The following ADGRL3 variants were observed in gnomAD, a reference collection of about 807,000 sequenced individuals.
ADGRL3 encodes calcium-independent alpha-latrotoxin receptor 3.
ADGRL3 carries 62 observed loss-of-function variants against 153.5 expected under a neutral mutation model. The observed-to-expected ratio is 0.40, with a 90% CI of 0.33 to 0.50. The LOEUF (loss-of-function observed/expected upper bound fraction) is 0.50, where lower values mean the gene tolerates loss of function less well. Ranked by LOEUF, ADGRL3 falls within the 20% of genes least tolerant of loss-of-function variation. The pLI, the probability that ADGRL3 is intolerant of heterozygous loss-of-function variation, is 0.47. For synonymous variants in ADGRL3, 710 were observed against 672.5 expected, an observed-to-expected ratio of 1.06 and a Z score of -0.86; for missense variants, 1,641 against 1,859.4, an observed-to-expected ratio of 0.88 and a Z score of 2.16.
At chr4:61,418,542 C>T (rs1011367165) in intron 2 of ADGRL3, among the ~76,000 whole-genome samples, 2 of 150,542 alleles carry the variant, frequency 1.3e-5, no homozygotes, top group South Asian at 4.2e-4. Context: ...GTTTTTCTTC[C>T]TATTGATACT....
intron 1 of ADGRL3, among the ~76,000 whole-genome samples, chr4:61,241,186 G>A (rs1486305131): frequency 1.3e-5 from 2 of 151,878 alleles, no homozygotes; most frequent in Non-Finnish European, 2.9e-5. Flanking sequence ...GCTGAATAAA[G>A]CAGATATAGC....
At chr4:61,657,562 T>C (rs201656467) in intron 5 of ADGRL3, among the ~76,000 whole-genome samples, 4 of 152,110 alleles carry the variant, frequency 2.6e-5, no homozygotes, top group East Asian at 3.9e-4. Context: ...AAAATTCTCA[T>C]TTAACACCAA....
intron 21 of ADGRL3, among the ~76,000 whole-genome samples, chr4:62,021,456 TAATCA>T (rs2099237891): frequency 6.6e-6 from 1 of 152,150 alleles, no homozygotes; most frequent in Non-Finnish European, 1.5e-5. Context: ...TATTAATAAA[TAATCA>T]TGGAATGATA....
chr4:61,380,720 A>G (rs1297788720), intron 1 of ADGRL3, among the ~76,000 whole-genome samples: 1 of 151,938 alleles, frequency 6.6e-6, no homozygotes, highest in Non-Finnish European at 1.5e-5. Context: ...CTATGAACAT[A>G]TATTTGCCGG....
intron 21 of ADGRL3, among the ~76,000 whole-genome samples, chr4:62,002,440 TA>T (rs993465110): frequency 7.3e-5 from 11 of 151,554 alleles, no homozygotes; most frequent in Admixed American, 2.0e-4. Context: ...TTTATTATCT[TA>T]AAAATTAACT....
intron 19 of ADGRL3, among the ~76,000 whole-genome samples, chr4:61,991,784 G>A (rs2099104676): frequency 6.6e-6 from 1 of 150,678 alleles, no homozygotes; most frequent in Non-Finnish European, 1.5e-5. Flanking sequence ...ATTATACTTG[G>A]CATATATACC....
At chr4:61,400,560 C>T (rs1309340029) in intron 2 of ADGRL3, among the ~76,000 whole-genome samples, 1 of 151,778 alleles carries the variant, frequency 6.6e-6, no homozygotes, top group Non-Finnish European at 1.5e-5. Context: ...CTATAGTAGT[C>T]ACAGCTCTTT....
chr4:61,925,937 T>G (rs1205023530), intron 13 of ADGRL3, among the ~76,000 whole-genome samples: 1 of 152,158 alleles, frequency 6.6e-6, no homozygotes, highest in Admixed American at 6.6e-5. Context: ...TTCCGAGAAA[T>G]GCTTCATTTT....
At chr4:61,613,601 G>T (rs1200982589) in intron 5 of ADGRL3, among the ~76,000 whole-genome samples, 1 of 152,072 alleles carries the variant, frequency 6.6e-6, no homozygotes, top group African/African-American at 2.4e-5. Context: ...AAATTTAGCT[G>T]GGTGTGGTGG....
intron 9 of ADGRL3, among the ~76,000 whole-genome samples, chr4:61,844,585 T>A (rs1413893374): frequency 1.1e-3 from 112 of 102,148 alleles, no homozygotes; most frequent in African/African-American, 1.5e-3. Context: ...AATATATATA[T>A]ATATATATAT....
chr4:61,695,858 G>T (rs916643969), intron 6 of ADGRL3, among the ~76,000 whole-genome samples: 2 of 152,090 alleles, frequency 1.3e-5, no homozygotes, highest in Admixed American at 6.6e-5. Context: ...ATCAGAATTT[G>T]CTGCTTCATT....
At chr4:61,790,806 G>A (rs1467634273) in intron 8 of ADGRL3, among the ~76,000 whole-genome samples, 1 of 152,154 alleles carries the variant, frequency 6.6e-6, no homozygotes, top group African/African-American at 2.4e-5. Flanking sequence ...ACAATCATGG[G>A]AGAAGGCAAG....
At chr4:61,582,775 C>T (rs954623923) in intron 4 of ADGRL3, among the ~76,000 whole-genome samples, 2 of 151,984 alleles carry the variant, frequency 1.3e-5, no homozygotes, top group African/African-American at 4.8e-5. Flanking sequence ...TTAGTCCATA[C>T]AGTCAAAATC....
intron 8 of ADGRL3, among the ~76,000 whole-genome samples, chr4:61,781,516 T>C (rs982849779): frequency 6.6e-6 from 1 of 152,160 alleles, no homozygotes; most frequent in Non-Finnish European, 1.5e-5. Context: ...GGGTGAGTAG[T>C]AGCCGGTTAT....
Position 61,729,198 on chromosome 4 carries a change from CA to C in ADGRL3, c.584-1420del, listed in dbSNP as rs552072494. Among the ~76,000 whole-genome samples the C allele has an allele frequency of 7.1e-3, 1,079 of 151,730 alleles. 17 individuals carry two copies. The highest frequency in any genetic ancestry group is 8.1e-3 in the Non-Finnish European group (547 of 67,806). On this transcript the variant is annotated intron_variant, in intron 6 of 26. Coordinates refer to ENST00000683033, the MANE Select transcript of ADGRL3 (RefSeq NM_001387552.1). The stretch of plus-strand genomic sequence containing the variant: ...AAACCTGTACATGTACCCCCGATGC[CA>C]AAATAAAAGTTGAAACTATTTAAAA...
intron 17 of ADGRL3, among the ~76,000 whole-genome samples, chr4:61,952,338 G>C (rs1426925079): frequency 6.6e-6 from 1 of 152,004 alleles, no homozygotes; most frequent in Non-Finnish European, 1.5e-5. Flanking sequence ...AATTAGCCAG[G>C]TGTGGTGGCA....
chr4:61,610,682 C>G (rs922741924), intron 5 of ADGRL3, among the ~76,000 whole-genome samples: 1 of 152,086 alleles, frequency 6.6e-6, no homozygotes, highest in Admixed American at 6.6e-5. Context: ...GACAAACATT[C>G]AAATGTTCAG....
chr4:61,578,034 G>A (rs1283361557), intron 4 of ADGRL3, among the ~76,000 whole-genome samples: 1 of 151,930 alleles, frequency 6.6e-6, no homozygotes, highest in Non-Finnish European at 1.5e-5. Flanking sequence ...TGAATAGAAC[G>A]TTTAACTTAC....
At chr4:61,521,301 G>C (rs142268725) in intron 4 of ADGRL3, among the ~76,000 whole-genome samples, 1 of 152,120 alleles carries the variant, frequency 6.6e-6, no homozygotes, top group African/African-American at 2.4e-5. Context: ...AGCAACACAA[G>C]GGCCTAGTTC....
Sources: allele counts gnomAD v4.1 joint callset (sites outside exome capture counted in the v4.1 genomes callset), GRCh38; gene constraint gnomAD v4.1.1; transcripts MANE v1.5; gene names NCBI Gene and HGNC (gene_info 2026-07-23, HGNC 2026-07-21).